Variants in IMMP2L observed in about 807,000 individuals in gnomAD.
IMMP2L encodes the protein mitochondrial inner membrane protease subunit 2.
A neutral mutation model predicts 19.3 loss-of-function variants in IMMP2L; 18 were observed. That is an observed-to-expected ratio of 0.93 (90% CI 0.64 to 1.38). The LOEUF (loss-of-function observed/expected upper bound fraction) is 1.38, where lower values mean the gene tolerates loss of function less well. IMMP2L is among the 40% of genes most tolerant of loss of function. The probability of loss-of-function intolerance (pLI) is 0.00; values close to 1 mark genes in which losing one functional copy is unlikely to be tolerated. For synonymous variants in IMMP2L, 76 were observed against 73.0 expected, an observed-to-expected ratio of 1.04 and a Z score of -0.21; for missense variants, 233 against 218.2, an observed-to-expected ratio of 1.07 and a Z score of -0.43.
chr7:111,152,268 A>G (rs1804162534), intron 3 of IMMP2L, among the ~76,000 whole-genome samples: 1 of 152,168 alleles, frequency 6.6e-6, no homozygotes, highest in South Asian at 2.1e-4. Context: ...TTCAATGCTT[A>G]AAATCCATAC....
chr7:111,194,194 T>G (rs1809214731), intron 3 of IMMP2L, among the ~76,000 whole-genome samples: 1 of 152,156 alleles, frequency 6.6e-6, no homozygotes. Flanking sequence ...AAGAACCAGA[T>G]CTTTTCAGGG....
At chr7:110,801,487 G>A (rs1801240616) in intron 5 of IMMP2L, among the ~76,000 whole-genome samples, 1 of 152,050 alleles carries the variant, frequency 6.6e-6, no homozygotes, top group Admixed American at 6.6e-5. Flanking sequence ...GAACAATAAG[G>A]ATTGCCAGAA....
intron 4 of IMMP2L, among the ~76,000 whole-genome samples, chr7:110,958,834 G>A (rs1818637441): frequency 6.6e-6 from 1 of 151,984 alleles, no homozygotes; most frequent in South Asian, 2.1e-4. Context: ...TCAGCAGTTG[G>A]CAGTGGGGCA....
chr7:110,921,401 T>G (rs1448798481), intron 4 of IMMP2L, among the ~76,000 whole-genome samples: 2 of 152,154 alleles, frequency 1.3e-5, no homozygotes, highest in Non-Finnish European at 2.9e-5. Flanking sequence ...GTTCATCTGC[T>G]AGAAACAAAA....
chr7:110,673,000 G>A (rs571102165), intron 5 of IMMP2L, among the ~76,000 whole-genome samples: 17 of 152,292 alleles, frequency 1.1e-4, no homozygotes, highest in African/African-American at 4.1e-4. Context: ...CCCCAGTGGG[G>A]ACTCTGTGTG....
At chr7:111,364,208 A>G (rs1016306902) in intron 3 of IMMP2L, among the ~76,000 whole-genome samples, 1 of 152,184 alleles carries the variant, frequency 6.6e-6, no homozygotes, top group Non-Finnish European at 1.5e-5. Flanking sequence ...TGAATAAAAC[A>G]AAACGTGATT....
Position 111,490,324 on chromosome 7 carries a change from G to A in IMMP2L, c.136-2983C>T, listed in dbSNP as rs1404331879. ...AGAGATGGGAGGGTCTTGCTATGTT[G>A]AGCAGGATGGTCTTGAACTCCTGAC... is the stretch of plus-strand genomic sequence containing the variant. On this transcript the variant is annotated intron_variant, in intron 2 of 5. Coordinates refer to ENST00000405709, the MANE Select transcript of IMMP2L (RefSeq NM_032549.4). Among the ~76,000 whole-genome samples, 6 of 142,050 alleles carry A rather than the reference G, an allele frequency of 4.2e-5. No homozygotes were observed. The South Asian group carries it at 1.4e-3, about 32-fold the overall frequency. 93.2% of individuals were successfully genotyped at this position (142,050 alleles called of 152,430 possible).
chr7:111,304,669 A>AGT (rs1304235836), intron 3 of IMMP2L, among the ~76,000 whole-genome samples: 56 of 60,624 alleles, frequency 9.2e-4, no homozygotes, highest in Admixed American at 2.4e-3. Context: ...ACACATATAT[A>AGT]ATGTGTGTGT....
At chr7:110,790,734 C>T (rs1000344439) in intron 5 of IMMP2L, among the ~76,000 whole-genome samples, 7 of 151,544 alleles carry the variant, frequency 4.6e-5, no homozygotes, top group Admixed American at 1.3e-4. Context: ...AATTCAGAGC[C>T]GGCAAGCAAG....
Position 111,496,897 on chromosome 7 carries a change from CATAGATAG to C in IMMP2L, c.136-9564_136-9557del, listed in dbSNP as rs367671688. ...ATAAATTCCCTCTCATAGATAGATA[CATAGATAG>C]ATAGATAGATAGATAGATAGACAGA... On this transcript the variant is annotated intron_variant, in intron 2 of 5. Transcript: ENST00000405709. Among the ~76,000 whole-genome samples, 80 of 151,560 alleles carry C rather than the reference CATAGATAG, an allele frequency of 5.3e-4. 1 individual carries two copies. Among genetic ancestry groups the C allele is most frequent in the Admixed American group, 8.5e-4 (13 of 15,228 alleles).
chr7:111,392,155 A>T (rs569895738), intron 3 of IMMP2L: 1 of 604,134 alleles, frequency 1.7e-6, no homozygotes, highest in East Asian at 2.8e-5. Flanking sequence ...TTTAGCCCCA[A>T]AGTCACATGG....
chr7:110,910,319 A>T (rs940497123), intron 4 of IMMP2L, among the ~76,000 whole-genome samples: 2 of 152,202 alleles, frequency 1.3e-5, no homozygotes, highest in African/African-American at 4.8e-5. Flanking sequence ...GCTGAGATGA[A>T]CTAGAAATCT....
chr7:110,826,868 T>TA (rs539842106), intron 5 of IMMP2L, among the ~76,000 whole-genome samples: 13,797 of 145,896 alleles, frequency 0.095, 953 homozygotes, highest in African/African-American at 0.2. Context: ...TTCCAGAGAC[T>TA]AAAAAAAAAA....
At chr7:111,082,189 G>A (rs917693411) in intron 3 of IMMP2L, among the ~76,000 whole-genome samples, 5 of 152,234 alleles carry the variant, frequency 3.3e-5, no homozygotes, top group Non-Finnish European at 7.4e-5. Context: ...AAAGTACAAC[G>A]GAGCAAATCT....
chr7:111,437,573 A>G (rs986881171), intron 3 of IMMP2L, among the ~76,000 whole-genome samples: 11 of 152,004 alleles, frequency 7.2e-5, no homozygotes, highest in Non-Finnish European at 1.5e-4. Flanking sequence ...AAATATATGT[A>G]AAATAATTTT....
At chr7:111,344,197 T>C (rs945285899) in intron 3 of IMMP2L, among the ~76,000 whole-genome samples, 7 of 152,258 alleles carry the variant, frequency 4.6e-5, no homozygotes, top group African/African-American at 1.7e-4. Flanking sequence ...ATGATCTGAT[T>C]TCTACTGACC....
At chr7:110,764,513 T>A (rs1289593970) in intron 5 of IMMP2L, among the ~76,000 whole-genome samples, 3 of 152,130 alleles carry the variant, frequency 2.0e-5, no homozygotes, top group Non-Finnish European at 4.4e-5. Context: ...ATATCACGAT[T>A]GAGCTTTTAA....
At chr7:111,126,042 C>T (rs990119944) in intron 3 of IMMP2L, among the ~76,000 whole-genome samples, 6 of 152,032 alleles carry the variant, frequency 3.9e-5, no homozygotes, top group Middle Eastern at 3.4e-3. Flanking sequence ...AGGCTGCTCT[C>T]GAACTCCTGG....
intron 3 of IMMP2L, among the ~76,000 whole-genome samples, chr7:111,238,680 T>C (rs750650075): frequency 3.3e-5 from 5 of 152,012 alleles, no homozygotes; most frequent in African/African-American, 4.8e-5. Context: ...ATAGCTGTTA[T>C]GACATAAGCT....
Sources: allele counts gnomAD v4.1 joint callset (sites outside exome capture counted in the v4.1 genomes callset), GRCh38; gene constraint gnomAD v4.1.1; transcripts MANE v1.5; gene names NCBI Gene and HGNC (gene_info 2026-07-23, HGNC 2026-07-21).